The following GATA4 variants were observed in gnomAD, a reference collection of about 807,000 sequenced individuals.
GATA4 encodes the protein GATA binding protein 4, also known as transcription factor GATA-4.
Under a neutral mutation model 37.9 loss-of-function variants are expected in GATA4, and 7 were observed. The observed-to-expected ratio is 0.18, with a 90% CI of 0.11 to 0.35. The LOEUF (loss-of-function observed/expected upper bound fraction) is 0.35, where lower values mean the gene tolerates loss of function less well. GATA4 is among the 10% of genes least tolerant of loss of function. The pLI is 1.00. For missense variants in GATA4, 647 were observed against 653.0 expected (o/e 0.99, Z 0.10); for synonymous variants, 372 against 292.6 (o/e 1.27, Z -2.77).
chr8:11,693,860 A>G (rs933321667), intron 1 of GATA4, among the ~76,000 whole-genome samples: 1 of 152,222 alleles, frequency 6.6e-6, no homozygotes, highest in Admixed American at 6.5e-5. Flanking sequence ...GTGCATGAAC[A>G]GCACAGAGTC....
At position 11,708,834 on chromosome 8, in the gene GATA4, C is replaced by A; in HGVS notation, c.522C>A (p.Ala174=). The A allele has an allele frequency of 2.7e-6, 4 of 1,495,456 alleles. No homozygotes were observed. Among genetic ancestry groups the A allele is most frequent in the Admixed American group, 2.2e-5 (1 of 46,470 alleles). 92.6% of individuals were successfully genotyped at this position (1,495,456 alleles called of 1,614,324 possible). Residue 174 remains alanine, a synonymous_variant, in exon 2 of 7, where the codon GCC becomes GCA. Coordinates refer to ENST00000532059, the MANE Select transcript of GATA4 (RefSeq NM_001308093.3). The surrounding 1 kb of genome is among the most constrained non-coding windows in gnomAD (Gnocchi z 6.7). ...AYMADVGASW[A]AAAAASAGPF... is the part of the protein sequence containing the mutation. ...TGGCCGACGTGGGCGCGTCCTGGGC[C>A]GCAGCCGCCGCCGCCTCCGCCGGCC...
At chr8:11,738,238 T>G (rs983812199) in intron 2 of GATA4, among the ~76,000 whole-genome samples, 1 of 149,366 alleles carries the variant, frequency 6.7e-6, no homozygotes, top group African/African-American at 2.5e-5. Context: ...ATAAACATAG[T>G]TGAGTATTTA....
rs780683869 is a variant in GATA4 at position 11,709,575 on chromosome 8, C to CGGG, written c.616+656_616+658dup. Reference sequence around the variant, plus strand: ...GCGCGTGGGCGCATCATGCGGGCAGCGGGGGGGGGGGCGCACACGCCCGGT... The same window carrying CGGG: ...GCGCGTGGGCGCATCATGCGGGCAGCGGGGGGGGGGGGGGCGCACACGCCCGGT... On this transcript the variant is annotated intron_variant, in intron 2 of 6. Coordinates refer to ENST00000532059, the MANE Select transcript of GATA4 (RefSeq NM_001308093.3). The surrounding 1 kb of genome is among the most constrained non-coding windows in gnomAD (Gnocchi z 4.3). Among the ~76,000 whole-genome samples, 120 of 93,816 alleles carry CGGG rather than the reference C, an allele frequency of 1.3e-3. 2 individuals carry two copies. The highest frequency in any genetic ancestry group is 5.2e-3 in the East Asian group (17 of 3,246). The allele number at this position is 93,816 out of a possible 152,430, so 61.5% of individuals were successfully genotyped here.
upstream of GATA4, among the ~76,000 whole-genome samples, chr8:11,699,577 A>G (rs887603102): frequency 5.3e-5 from 8 of 152,226 alleles, no homozygotes; most frequent in African/African-American, 1.9e-4. Context: ...CCAGGTTGGC[A>G]GCAGGAAAAG....
At chr8:11,700,713 G>T (rs1310969505), upstream of GATA4, 1 of 152,286 alleles carries the variant, frequency 6.6e-6, no homozygotes, top group East Asian at 1.9e-4. Context: ...ATGTCTGTCC[G>T]GATCCCTCGC....
chr8:11,749,775 G>C lies in GATA4; in HGVS notation c.787-336G>C, dbSNP rs557245647. On this transcript the variant is annotated intron_variant, in intron 3 of 6. Coordinates refer to ENST00000532059, the MANE Select transcript of GATA4 (RefSeq NM_001308093.3). The surrounding 1 kb of genome is among the most constrained non-coding windows in gnomAD (Gnocchi z 4.6). The stretch of plus-strand genomic sequence containing the variant: ...GCCTGCCCCCGGCACCTGCAGCCCC[G>C]GTCAGTTCTCCTCTCAGGAGAAGCT... Among the ~76,000 whole-genome samples, 1 of 152,254 alleles carries C rather than the reference G, an allele frequency of 6.6e-6. No homozygotes were observed. The highest frequency in any genetic ancestry group is 2.4e-5 in the African/African-American group (1 of 41,548).
upstream of GATA4, among the ~76,000 whole-genome samples, chr8:11,699,428 C>G (rs1022666126): frequency 3.3e-5 from 5 of 152,176 alleles, no homozygotes; most frequent in Non-Finnish European, 5.9e-5. Context: ...GAAAGGGCCC[C>G]TTACAGACTC....
chr8:11,743,157 G>A (rs1267460810), intron 2 of GATA4, among the ~76,000 whole-genome samples: 1 of 152,258 alleles, frequency 6.6e-6, no homozygotes, highest in African/African-American at 2.4e-5. Flanking sequence ...GCACCACTGT[G>A]AGGCCCAGGC....
upstream of GATA4, among the ~76,000 whole-genome samples, chr8:11,701,869 G>A (rs959222238): frequency 4.6e-5 from 7 of 152,034 alleles, no homozygotes; most frequent in African/African-American, 1.7e-4. Flanking sequence ...GGTGGTGGGA[G>A]GTGGTAGGGG....
chr8:11,696,963 A>G (rs1409209496), intron 1 of GATA4, among the ~76,000 whole-genome samples: 2 of 152,156 alleles, frequency 1.3e-5, no homozygotes, highest in Non-Finnish European at 2.9e-5. Flanking sequence ...GGAGGGGTGG[A>G]CTTTGCCCCT....
At chr8:11,716,972 C>CTT (rs1800460205) in intron 2 of GATA4, among the ~76,000 whole-genome samples, 1 of 152,198 alleles carries the variant, frequency 6.6e-6, no homozygotes, top group Non-Finnish European at 1.5e-5. Flanking sequence ...GCTTTAAGAA[C>CTT]TTGAAGCAAC....
chr8:11,754,959 C>A, intron 4 of GATA4, 87 bp from the exon 5 acceptor site: 2 of 1,038,364 alleles, frequency 1.9e-6, no homozygotes, highest in Non-Finnish European at 1.5e-6. Context: ...TTAGGTGTTG[C>A]CTTCTCGCAG....
chr8:11,689,224 C>T (rs571090755), upstream of GATA4, among the ~76,000 whole-genome samples: 5 of 152,286 alleles, frequency 3.3e-5, no homozygotes, highest in African/African-American at 1.2e-4. Context: ...ATCTGTGAAA[C>T]TGAAGCATTT....
chr8:11,692,736 A>G (rs1799358079), intron 1 of GATA4: 1 of 983,756 alleles, frequency 1.0e-6, no homozygotes, highest in Non-Finnish European at 1.2e-6. Flanking sequence ...AGGCGCCGGG[A>G]CCCACGCGAG....
chr8:11,748,904 C>T lies in GATA4; in HGVS notation c.617-12C>T, dbSNP rs763950464. The T allele has an allele frequency of 2.5e-6, 4 of 1,613,980 alleles. No homozygotes were observed. On this transcript the variant is annotated splice_polypyrimidine_tract_variant and intron_variant, in intron 2 of 6. Transcript: ENST00000532059. ...CCTCTGTGTCTTTTCTTGTCTGTTC[C>T]CCCCAACTCAGTAGATATGTTTGAC... is the stretch of plus-strand genomic sequence containing the variant.
intron 2 of GATA4, among the ~76,000 whole-genome samples, chr8:11,731,800 A>G (rs1801225097): frequency 6.6e-6 from 1 of 152,248 alleles, no homozygotes; most frequent in Non-Finnish European, 1.5e-5. Flanking sequence ...TAGTAAGTAG[A>G]AAGTAAATTG....
chr8:11,758,683 G>C lies in GATA4; in HGVS notation c.*208G>C. 2 of 618,168 alleles carry C rather than the reference G, an allele frequency of 3.2e-6. No homozygotes were observed. The highest frequency in any genetic ancestry group is 1.9e-5 in the South Asian group (1 of 53,968). 38.3% of individuals were successfully genotyped at this position (618,168 alleles called of 1,614,324 possible). A position where few individuals can be genotyped will look rare whatever the true frequency, so the allele number is the denominator to read the frequency against. ...GCCTTTACACGCTGATGGGACTGGAGGGAGCCCACCCTTCAGCACGAGCAC... is the reference window on the plus strand; with the variant it reads ...GCCTTTACACGCTGATGGGACTGGACGGAGCCCACCCTTCAGCACGAGCAC... On this transcript the variant is annotated 3_prime_UTR_variant, in exon 7 of 7. Coordinates refer to ENST00000532059, the MANE Select transcript of GATA4 (RefSeq NM_001308093.3).
upstream of GATA4, chr8:11,692,514 C>A: frequency 1.0e-6 from 1 of 985,466 alleles, no homozygotes; most frequent in Non-Finnish European, 1.2e-6. Flanking sequence ...GAGTAATTCC[C>A]GTGAAACTAT....
chr8:11,734,037 C>T (rs547988367), intron 2 of GATA4, among the ~76,000 whole-genome samples: 1 of 152,328 alleles, frequency 6.6e-6, no homozygotes, highest in African/African-American at 2.4e-5. Context: ...CAACTTGCAG[C>T]TGACATGTAA....
Sources: allele counts gnomAD v4.1 joint callset (sites outside exome capture counted in the v4.1 genomes callset), GRCh38; gene constraint gnomAD v4.1.1; non-coding constraint Gnocchi (gnomAD v3.1); transcripts MANE v1.5; gene names NCBI Gene and HGNC (gene_info 2026-07-23, HGNC 2026-07-21).